The following KLRG1 variants were observed in gnomAD, a reference collection of about 807,000 sequenced individuals.
KLRG1 encodes the protein killer cell lectin like receptor G1.
In KLRG1, 16 loss-of-function variants were observed where a neutral mutation model predicts 21.8. The observed-to-expected ratio is 0.73, with a 90% CI of 0.50 to 1.11. The LOEUF is 1.11. Ranked by LOEUF, KLRG1 falls within the 50% of genes most tolerant of loss-of-function variation. The pLI is 0.00. For synonymous variants in KLRG1, 69 were observed against 75.9 expected, an observed-to-expected ratio of 0.91 and a Z score of 0.47; for missense variants, 173 against 218.3, an observed-to-expected ratio of 0.79 and a Z score of 1.31.
At chr12:9,053,173 C>CTGAGTG in the KLRG1 span, among the ~76,000 whole-genome samples, 2 of 151,564 alleles carry the variant, frequency 1.3e-5, no homozygotes, top group Non-Finnish European at 2.9e-5. Flanking sequence ...TGGTCCTAGT[C>CTGAGTG]TGAGTGTGAG....
chr12:9,202,718 C>A, the KLRG1 span: 2 of 1,590,024 alleles, frequency 1.3e-6, no homozygotes, highest in Non-Finnish European at 1.7e-6. Context: ...TACTGAGGAA[C>A]TGTGCAGTCT....
At chr12:9,060,587 C>T in the KLRG1 span, among the ~76,000 whole-genome samples, 4 of 152,060 alleles carry the variant, frequency 2.6e-5, no homozygotes, top group South Asian at 6.2e-4. Flanking sequence ...GCTGAGATTG[C>T]GCCATTGCAC....
chr12:8,959,044 T>TA (rs916642290), intron 1 of KLRG1, among the ~76,000 whole-genome samples: 21 of 152,196 alleles, frequency 1.4e-4, no homozygotes, highest in African/African-American at 5.1e-4. Context: ...CCTCTCAAGT[T>TA]AAATTGTTTT....
chr12:8,956,037 G>T (rs1013836878), intron 1 of KLRG1, among the ~76,000 whole-genome samples: 9 of 152,192 alleles, frequency 5.9e-5, no homozygotes, highest in African/African-American at 1.7e-4. Context: ...ACCACCTTTG[G>T]GTCCCCTCTC....
chr12:9,001,476 C>T (rs1216900551), intron 3 of KLRG1, among the ~76,000 whole-genome samples: 1 of 152,148 alleles, frequency 6.6e-6, no homozygotes, highest in Non-Finnish European at 1.5e-5. Flanking sequence ...TTGAACATTT[C>T]CAGTCACTGA....
At chr12:9,042,598 T>C in the KLRG1 span, among the ~76,000 whole-genome samples, 2 of 152,190 alleles carry the variant, frequency 1.3e-5, no homozygotes, top group African/African-American at 4.8e-5. Context: ...CAGTCAAAGG[T>C]AGAGAGGGAC....
At chr12:9,159,281 C>T in the KLRG1 span, among the ~76,000 whole-genome samples, 1 of 152,118 alleles carries the variant, frequency 6.6e-6, no homozygotes, top group Admixed American at 6.5e-5. Flanking sequence ...AAAGTGTTCT[C>T]AATTTTGCCA....
At chr12:9,066,633 G>C in the KLRG1 span, 1 of 152,266 alleles carries the variant, frequency 6.6e-6, no homozygotes, top group Non-Finnish European at 1.5e-5. Context: ...GGTGCCACTA[G>C]ACTGGCCAGG....
At chr12:8,966,168 AC>A (rs1946468452) in intron 1 of KLRG1, among the ~76,000 whole-genome samples, 1 of 152,204 alleles carries the variant, frequency 6.6e-6, no homozygotes, top group South Asian at 2.1e-4. Flanking sequence ...ACTTCCTTAC[AC>A]CTTATACAAA....
At chr12:9,078,935 T>C in the KLRG1 span, among the ~76,000 whole-genome samples, 8 of 152,340 alleles carry the variant, frequency 5.3e-5, no homozygotes, top group African/African-American at 1.9e-4. Flanking sequence ...GGAAGTTATA[T>C]ATGTTCACTG....
At chr12:9,132,245 T>C in the KLRG1 span, among the ~76,000 whole-genome samples, 1 of 152,248 alleles carries the variant, frequency 6.6e-6, no homozygotes, top group Non-Finnish European at 1.5e-5. Flanking sequence ...ACCTATGGAC[T>C]TTCCTATTTG....
chr12:9,074,922 C>A, the KLRG1 span: 1 of 960,234 alleles, frequency 1.0e-6, no homozygotes, highest in Non-Finnish European at 1.5e-6. Context: ...CTTTTCCCTT[C>A]ATGTAAATCT....
At chr12:9,106,484 C>T in the KLRG1 span, 1 of 1,566,958 alleles carries the variant, frequency 6.4e-7, no homozygotes, top group South Asian at 1.1e-5. Flanking sequence ...CCATGTAGTA[C>T]ACAAACCTGT....
At chr12:9,125,777 C>T in the KLRG1 span, among the ~76,000 whole-genome samples, 9 of 152,188 alleles carry the variant, frequency 5.9e-5, no homozygotes, top group Non-Finnish European at 1.2e-4. Flanking sequence ...CTCTAACGCC[C>T]AGGCTGGAGT....
rs758285575 is a variant in KLRG1, at chr12:9,010,359, G to C, written c.*822G>C. The stretch of plus-strand genomic sequence containing the variant: ...TGGTTGAATGAACCAATGTGTGATT[G>C]TATCTTTTCCATTATGTGACTGTTT... On this transcript the variant is annotated 3_prime_UTR_variant, in exon 5 of 5. Transcript: ENST00000356986. 4.9e-6 allele frequency: 1 copy of C among 205,120 alleles called. No homozygotes were observed. Among genetic ancestry groups the C allele is most frequent in the African/African-American group, 2.3e-5 (1 of 43,366 alleles). The allele number at this position is 205,120 out of a possible 1,614,324, so 12.7% of individuals were successfully genotyped here.
At chr12:9,189,636 C>T in the KLRG1 span, among the ~76,000 whole-genome samples, 1 of 152,140 alleles carries the variant, frequency 6.6e-6, no homozygotes, top group Non-Finnish European at 1.5e-5. Flanking sequence ...CAAACATTGA[C>T]AAATGGGATC....
the KLRG1 span, among the ~76,000 whole-genome samples, chr12:9,158,113 GC>G: frequency 6.6e-6 from 1 of 152,102 alleles, no homozygotes; most frequent in African/African-American, 2.4e-5. Flanking sequence ...ACCATGCCTG[GC>G]TAATTTTGTA....
chr12:9,015,795 A>G, the KLRG1 span, among the ~76,000 whole-genome samples: 1 of 152,174 alleles, frequency 6.6e-6, no homozygotes, highest in African/African-American at 2.4e-5. Context: ...AAAAAATTGA[A>G]ATCATGTCAG....
chr12:8,993,218 G>A (rs758162783), intron 2 of KLRG1, among the ~76,000 whole-genome samples: 1 of 151,848 alleles, frequency 6.6e-6, no homozygotes, highest in South Asian at 2.1e-4. Flanking sequence ...TAGAGTCCTA[G>A]CTTAGGTTTA....
Sources: allele counts gnomAD v4.1 joint callset (sites outside exome capture counted in the v4.1 genomes callset), GRCh38; gene constraint gnomAD v4.1.1; transcripts MANE v1.5; gene names NCBI Gene and HGNC (gene_info 2026-07-23, HGNC 2026-07-21).